Variants in PNPLA7 observed in about 807,000 individuals in gnomAD.
The protein encoded by PNPLA7 is patatin like domain 7, lysophospholipase, also known as patatin-like phospholipase domain-containing protein 7.
A neutral mutation model predicts 161.7 loss-of-function variants in PNPLA7; 153 were observed. That is an observed-to-expected ratio of 0.95 (90% CI 0.83 to 1.08). The LOEUF (loss-of-function observed/expected upper bound fraction) is 1.08. Ranked by LOEUF, PNPLA7 falls within the 50% of genes least tolerant of loss-of-function variation. PNPLA7 has a pLI of 0.00. For missense variants in PNPLA7, 1,739 were observed against 1,856.6 expected (o/e 0.94, Z 1.16); for synonymous variants, 809 against 782.1 (o/e 1.03, Z -0.57).
chr9:137,485,955 C>A (rs1486346622), intron 20 of PNPLA7, among the ~76,000 whole-genome samples: 2 of 152,098 alleles, frequency 1.3e-5, no homozygotes, highest in African/African-American at 4.8e-5. Flanking sequence ...TCTGCTTCCA[C>A]AGAAGAGGTT....
At chr9:137,501,506 G>T in intron 15 of PNPLA7, 144 bp downstream of exon 15, 1 of 790,458 alleles carries the variant, frequency 1.3e-6, no homozygotes. Context: ...GAGGGGCTCT[G>T]CCATGGTGCC....
chr9:137,521,563 G>A (rs556668568), intron 10 of PNPLA7, 73 bp downstream of exon 10: 187 of 1,504,832 alleles, frequency 1.2e-4, no homozygotes, highest in African/African-American at 2.1e-4. Flanking sequence ...GGCGCCTGCC[G>A]TGCCAACCAA....
At chr9:137,461,462 G>A (rs1831191871) in intron 33 of PNPLA7, 74 bp downstream of exon 33, 3 of 1,438,870 alleles carry the variant, frequency 2.1e-6, no homozygotes, top group Non-Finnish European at 9.5e-7. Context: ...CCTCTGGGGT[G>A]GGGGGGTTCA....
At chr9:137,550,062 C>CG in intron 1 of PNPLA7, 106 bp downstream of exon 1, 2 of 1,417,438 alleles carry the variant, frequency 1.4e-6, no homozygotes, top group South Asian at 2.3e-5. Flanking sequence ...CAAGAAGCCA[C>CG]GGGGCCAAAG....
Position 137,460,284 on chromosome 9 carries a change from CAG to C in PNPLA7, c.*107_*108del. On this transcript the variant is annotated 3_prime_UTR_variant, in exon 35 of 35. Coordinates refer to ENST00000406427, the MANE Select transcript of PNPLA7 (RefSeq NM_001098537.3). Reference sequence around the variant, plus strand: ...ACACAGCCTGGGGCCCCGGGGAAGTCAGGGCTTCCAGCAGGGCAGGTACAGAG... The same window carrying C: ...ACACAGCCTGGGGCCCCGGGGAAGTCGGCTTCCAGCAGGGCAGGTACAGAG... 1 of 1,176,948 alleles carries C rather than the reference CAG, an allele frequency of 8.5e-7. No homozygotes were observed. Among genetic ancestry groups the C allele is most frequent in the Non-Finnish European group, 1.2e-6 (1 of 842,220 alleles). The allele number at this position is 1,176,948 out of a possible 1,614,324, so 72.9% of individuals were successfully genotyped here.
chr9:137,491,854 G>A (rs1011259768), intron 20 of PNPLA7: 25 of 985,442 alleles, frequency 2.5e-5, no homozygotes, highest in Non-Finnish European at 2.8e-5. Flanking sequence ...ATGTGTCGGG[G>A]GTGACAAGCA....
chr9:137,542,715 A>C lies in PNPLA7; in HGVS notation c.593T>G (p.Phe198Cys). Reference sequence around the variant, plus strand: ...GCTGGGGTCCGGCTCCCTGGGCTGGAAGACGTGCTCCCCTTCCTGCAGCTG... The same window carrying C: ...GCTGGGGTCCGGCTCCCTGGGCTGGCAGACGTGCTCCCCTTCCTGCAGCTG... ...FVQLQEGEHV[F>C]QPREPDPSIC... The change falls in exon 7 of 35, where the codon TTC becomes TGC. Residue 198 changes from phenylalanine to cysteine, a missense_variant. By Grantham distance (205) the Phe-to-Cys change is radical. Around this residue, in one of 6 missense-constraint regions of PNPLA7, gnomAD observed 209 missense variants for 252.8 expected, o/e 0.83. Coordinates refer to ENST00000406427, the MANE Select transcript of PNPLA7 (RefSeq NM_001098537.3). 6.2e-7 allele frequency: 1 copy of C among 1,613,576 alleles called. No homozygotes were observed. Among genetic ancestry groups the C allele is most frequent in the Non-Finnish European group, 8.5e-7 (1 of 1,180,026 alleles).
intron 21 of PNPLA7, among the ~76,000 whole-genome samples, 172 bp from the exon 22 acceptor site, chr9:137,481,195 C>T (rs1479186452): frequency 6.6e-6 from 1 of 152,180 alleles, no homozygotes; most frequent in Non-Finnish European, 1.5e-5. Context: ...GGTCTGCTCC[C>T]CTTGAGCACA....
intron 22 of PNPLA7, 43 bp downstream of exon 22, chr9:137,480,917 T>C (rs778979844): frequency 3.9e-6 from 6 of 1,543,646 alleles, no homozygotes; most frequent in Non-Finnish European, 4.4e-6. Flanking sequence ...CAGGGCTGCG[T>C]TGGGCCGGCT....
Position 137,502,905 on chromosome 9 carries a change from G to A in PNPLA7, c.1474-1178C>T, listed in dbSNP as rs542992591. Among the ~76,000 whole-genome samples the A allele has an allele frequency of 2.8e-4, 42 of 151,882 alleles. 1 individual carries two copies. The East Asian group carries it at 4.5e-3, about 16-fold the overall frequency. On this transcript the variant is annotated intron_variant, in intron 14 of 34. Transcript: ENST00000406427. ...GAATCCTGAAATATCCACCAGTGACGTGCTATGATGATGGGATTTGCTTCA... is the reference window on the plus strand; with the variant it reads ...GAATCCTGAAATATCCACCAGTGACATGCTATGATGATGGGATTTGCTTCA...
At chr9:137,483,648 G>T (rs1452642194) in intron 21 of PNPLA7, among the ~76,000 whole-genome samples, 1 of 151,568 alleles carries the variant, frequency 6.6e-6, no homozygotes, top group Non-Finnish European at 1.5e-5. Flanking sequence ...GTAGAAACGG[G>T]GTTTCACCAT....
rs1836782613 is a variant in PNPLA7 at position 137,550,318 on chromosome 9, A to G, written c.-121T>C. ...TTTCCCTGGGTTCCTTTCAAGTCAA[A>G]TTATGTTTCACTGAAAGGAAAATCC... On this transcript the variant is annotated 5_prime_UTR_variant, in exon 1 of 35. Transcript: ENST00000406427. The G allele has an allele frequency of 9.2e-7, 1 of 1,092,148 alleles. No homozygotes were observed. Among genetic ancestry groups the G allele is most frequent in the Non-Finnish European group, 1.4e-6 (1 of 717,662 alleles). 67.7% of individuals were successfully genotyped at this position (1,092,148 alleles called of 1,614,324 possible). A position where few individuals can be genotyped will look rare whatever the true frequency, so the allele number is the denominator to read the frequency against.
intron 8 of PNPLA7, among the ~76,000 whole-genome samples, chr9:137,528,014 G>T (rs1307632322): frequency 1.3e-5 from 2 of 152,174 alleles, no homozygotes; most frequent in Non-Finnish European, 2.9e-5. Flanking sequence ...AATCTGCGTG[G>T]CTGATTTTAT....
At chr9:137,484,527 G>A in intron 21 of PNPLA7, 60 bp downstream of exon 21, 6 of 1,496,996 alleles carry the variant, frequency 4.0e-6, no homozygotes, top group Non-Finnish European at 5.4e-6. Flanking sequence ...GCAGCCGGCA[G>A]GCGCCCTCCA....
intron 11 of PNPLA7, among the ~76,000 whole-genome samples, chr9:137,517,019 A>C: frequency 1.1e-4 from 13 of 117,578 alleles, no homozygotes; most frequent in Non-Finnish European, 1.6e-4. Context: ...CACTCACTCC[A>C]CTCTGTCCAC....
chr9:137,502,729 G>GCGGGGGACT, intron 14 of PNPLA7, among the ~76,000 whole-genome samples: 1 of 68,948 alleles, frequency 1.5e-5, no homozygotes, highest in Non-Finnish European at 3.8e-5. Context: ...CGCGGGGGAC[G>GCGGGGGACT]GGGGGGACGA....
In PNPLA7 at chr9:137,522,725, T is replaced by C. The variant is rs921277714; in HGVS notation, c.876+4A>G. 1.2e-6 allele frequency: 2 copies of C among 1,613,314 alleles called. No homozygotes were observed. The highest frequency in any genetic ancestry group is 1.7e-6 in the Non-Finnish European group (2 of 1,179,718). On this transcript the variant is annotated splice_donor_region_variant and intron_variant, in intron 9 of 34. Transcript: ENST00000406427. ...TAGAAGAGTTGTCTGAAAAAGTGAC[T>C]CACCTGCACCACCCTCACCAGAGTT... is the stretch of plus-strand genomic sequence containing the variant.
In PNPLA7 at chr9:137,497,295, G is replaced by A. The variant is rs749217101; in HGVS notation, c.1905C>T (p.Ser635=). The A allele has an allele frequency of 5.7e-5, 90 of 1,572,762 alleles. No individual in the cohort carries two copies. The highest frequency in any genetic ancestry group is 5.9e-5 in the Non-Finnish European group (68 of 1,160,000). ...CGCTGAGCATGATGTACGTGCAGTCGGACTTGTCCCCCTGCCTGCGGAAGA... is the reference window on the plus strand; with the variant it reads ...CGCTGAGCATGATGTACGTGCAGTCAGACTTGTCCCCCTGCCTGCGGAAGA... ...GRAIYRQGDK[S]DCTYIMLSGR... The change falls in exon 18 of 35, where the codon TCC becomes TCT. Residue 635 remains serine, a synonymous_variant. Transcript: ENST00000406427.
intron 12 of PNPLA7, among the ~76,000 whole-genome samples, chr9:137,510,446 GTCTT>G (rs1388278626): frequency 1.3e-5 from 2 of 152,190 alleles, no homozygotes; most frequent in African/African-American, 2.4e-5. Context: ...GGCGTAAGCT[GTCTT>G]TCTGTCTGTC....
Sources: allele counts gnomAD v4.1 joint callset (sites outside exome capture counted in the v4.1 genomes callset), GRCh38; gene constraint gnomAD v4.1.1; regional missense constraint gnomAD v4.1.1; transcripts MANE v1.5; gene names NCBI Gene and HGNC (gene_info 2026-07-23, HGNC 2026-07-21).